The following TCERG1L variants were observed in gnomAD, a reference collection of about 807,000 sequenced individuals.
TCERG1L encodes the protein transcription elongation regulator 1-like protein.
TCERG1L carries 37 observed loss-of-function variants against 56.3 expected under a neutral mutation model. The ratio of observed to expected loss-of-function variants is 0.66; its 90% CI spans 0.51 to 0.87. The LOEUF (loss-of-function observed/expected upper bound fraction) is 0.87. Ranked by LOEUF, TCERG1L falls within the 40% of genes least tolerant of loss-of-function variation. The pLI is 0.00. For missense variants in TCERG1L, 799 were observed against 774.2 expected, an observed-to-expected ratio of 1.03 and a Z score of -0.38; for synonymous variants, 324 against 326.3, an observed-to-expected ratio of 0.99 and a Z score of 0.08.
intron 3 of TCERG1L, among the ~76,000 whole-genome samples, chr10:131,264,729 C>T (rs148741026): frequency 1.3e-5 from 2 of 152,356 alleles, no homozygotes; most frequent in East Asian, 3.9e-4. Flanking sequence ...CTCCAGGTGT[C>T]TCTGCTAAGA....
chr10:131,095,727 C>CA (rs1303265025), intron 11 of TCERG1L: 1 of 152,164 alleles, frequency 6.6e-6, no homozygotes, highest in Non-Finnish European at 1.5e-5. Context: ...TGCCCTATAA[C>CA]ATTATGTTGT....
intron 4 of TCERG1L, among the ~76,000 whole-genome samples, chr10:131,224,503 G>C (rs2133501607): frequency 6.6e-6 from 1 of 152,308 alleles, no homozygotes; most frequent in African/African-American, 2.4e-5. Flanking sequence ...TAATTCACCA[G>C]GGATCCTTGG....
intron 3 of TCERG1L, among the ~76,000 whole-genome samples, chr10:131,295,848 C>T (rs1846684365): frequency 2.0e-5 from 3 of 152,190 alleles, no homozygotes; most frequent in African/African-American, 7.2e-5. Context: ...TCTCTAGCTA[C>T]AATTTTGTAG....
chr10:131,243,849 A>C (rs529671906), intron 4 of TCERG1L, among the ~76,000 whole-genome samples: 1 of 152,322 alleles, frequency 6.6e-6, no homozygotes, highest in South Asian at 2.1e-4. Flanking sequence ...CAAAATCATG[A>C]GATAGGTCGC....
intron 4 of TCERG1L, among the ~76,000 whole-genome samples, chr10:131,169,664 G>A (rs1846068190): frequency 6.6e-6 from 1 of 152,160 alleles, no homozygotes. Context: ...GAAAGCTGAG[G>A]TTGTGTTTTA....
chr10:131,144,573 A>T (rs1444917227), intron 7 of TCERG1L, among the ~76,000 whole-genome samples: 1 of 151,786 alleles, frequency 6.6e-6, no homozygotes, highest in African/African-American at 2.4e-5. Context: ...CATATCCTTA[A>T]GATTCAGGTT....
At chr10:131,205,075 T>C (rs1376283941) in intron 4 of TCERG1L, among the ~76,000 whole-genome samples, 2 of 152,166 alleles carry the variant, frequency 1.3e-5, no homozygotes, top group African/African-American at 4.8e-5. Context: ...AAGCGGCCCA[T>C]GGCATCAACT....
chr10:131,311,177 G>A lies in TCERG1L; in HGVS notation c.342+117C>T. The stretch of plus-strand genomic sequence containing the variant: ...GGCTCCGTCCTGAGGGTTTGGGGCG[G>A]CGAGGACCGCCGGGGAGGAGGGCGC... On this transcript the variant is annotated intron_variant, in intron 1 of 11. Transcript: ENST00000368642. The surrounding 1 kb of genome is among the most constrained non-coding windows in gnomAD (Gnocchi z 4.0). 3 of 835,556 alleles carry A rather than the reference G, an allele frequency of 3.6e-6. No individual in the cohort carries two copies. The South Asian group carries it at 1.7e-4, about 49-fold the overall frequency. The allele number at this position is 835,556 out of a possible 1,614,324, so 51.8% of individuals were successfully genotyped here. A position where few individuals can be genotyped will look rare whatever the true frequency, so the allele number is the denominator to read the frequency against.
intron 9 of TCERG1L, among the ~76,000 whole-genome samples, chr10:131,106,602 A>G (rs1845353590): frequency 1.3e-5 from 2 of 152,062 alleles, no homozygotes; most frequent in South Asian, 4.1e-4. Flanking sequence ...GGGCAGTCTG[A>G]GATGTGGTTA....
chr10:131,182,238 T>A (rs1445668067), intron 4 of TCERG1L, among the ~76,000 whole-genome samples: 1 of 152,120 alleles, frequency 6.6e-6, no homozygotes, highest in African/African-American at 2.4e-5. Context: ...TGAAGAGTGT[T>A]CTCTTGCCTC....
At chr10:131,165,614 T>G (rs1200152985) in intron 5 of TCERG1L, among the ~76,000 whole-genome samples, 1 of 152,170 alleles carries the variant, frequency 6.6e-6, no homozygotes, top group African/African-American at 2.4e-5. Context: ...TTAGAAAAAC[T>G]AGGGGGGACT....
intron 9 of TCERG1L, among the ~76,000 whole-genome samples, chr10:131,110,577 T>C (rs1845400544): frequency 6.6e-6 from 1 of 152,188 alleles, no homozygotes; most frequent in Non-Finnish European, 1.5e-5. Flanking sequence ...CGCCTCCTGC[T>C]GTGGATGGGC....
intron 3 of TCERG1L, among the ~76,000 whole-genome samples, chr10:131,283,537 A>G (rs1300824926): frequency 6.6e-6 from 1 of 152,230 alleles, no homozygotes; most frequent in Non-Finnish European, 1.5e-5. Flanking sequence ...AGAGCCAAAA[A>G]TAACAAAAGA....
chr10:131,250,489 TG>T (rs1328068315), intron 4 of TCERG1L, among the ~76,000 whole-genome samples: 23 of 152,300 alleles, frequency 1.5e-4, no homozygotes, highest in African/African-American at 5.5e-4. Flanking sequence ...CAGGGAATGG[TG>T]GCCGGTATAT....
In TCERG1L at chr10:131,183,416, G is replaced by A. The variant is rs191618148; in HGVS notation, c.857-16531C>T. 9.9e-5 allele frequency among the ~76,000 whole-genome samples: 15 copies of A among 152,156 alleles called. No homozygotes were observed. In the South Asian group the frequency reaches 1.0e-3, roughly 11 times the overall value. On this transcript the variant is annotated intron_variant, in intron 4 of 11. Coordinates refer to ENST00000368642, the MANE Select transcript of TCERG1L (RefSeq NM_174937.4). ...AGATTTACCTTTTCCCATTTCTATTGAGCTACCTATCAAATGGGCCAGCCT... is the reference window on the plus strand; with the variant it reads ...AGATTTACCTTTTCCCATTTCTATTAAGCTACCTATCAAATGGGCCAGCCT...
At chr10:131,284,845 G>A (rs1244515081) in intron 3 of TCERG1L, among the ~76,000 whole-genome samples, 1 of 152,122 alleles carries the variant, frequency 6.6e-6, no homozygotes, top group Non-Finnish European at 1.5e-5. Context: ...ATAGGAAATA[G>A]AAAGCATGCA....
At chr10:131,151,097 G>A (rs1761028309) in intron 6 of TCERG1L, among the ~76,000 whole-genome samples, 2 of 152,172 alleles carry the variant, frequency 1.3e-5, no homozygotes, top group African/African-American at 4.8e-5. Context: ...AGATTTGGGT[G>A]GGGACACAAA....
chr10:131,142,722 C>G (rs1297464843), intron 7 of TCERG1L, among the ~76,000 whole-genome samples: 1 of 152,174 alleles, frequency 6.6e-6, no homozygotes, highest in Non-Finnish European at 1.5e-5. Context: ...AGGTGTGGCC[C>G]TGGGCAAGTC....
chr10:131,244,083 A>G (rs925156082), intron 4 of TCERG1L, among the ~76,000 whole-genome samples: 2 of 152,236 alleles, frequency 1.3e-5, no homozygotes, highest in Non-Finnish European at 2.9e-5. Context: ...CCCAGAGATC[A>G]AGATATCAAC....
Sources: allele counts gnomAD v4.1 joint callset (sites outside exome capture counted in the v4.1 genomes callset), GRCh38; gene constraint gnomAD v4.1.1; non-coding constraint Gnocchi (gnomAD v3.1); transcripts MANE v1.5; gene names NCBI Gene and HGNC (gene_info 2026-07-23, HGNC 2026-07-21).